Variants in CDK13 observed in about 807,000 individuals in gnomAD.
The protein encoded by CDK13 is cyclin dependent kinase 13.
In CDK13, 40 loss-of-function variants were observed where a neutral mutation model predicts 137.6. The ratio of observed to expected loss-of-function variants is 0.29; its 90% CI spans 0.23 to 0.38. The LOEUF (loss-of-function observed/expected upper bound fraction) is 0.38. Among genes scored for constraint, CDK13 ranks in the 10% least tolerant of loss-of-function variants. The pLI, the probability that CDK13 is intolerant of heterozygous loss-of-function variation, is 1.00. For missense variants in CDK13, 1,704 were observed against 1,951.8 expected (o/e 0.87, Z 2.39); for synonymous variants, 869 against 760.1 (o/e 1.14, Z -2.36).
chr7:40,086,057 G>T (rs778815610), intron 11 of CDK13, among the ~76,000 whole-genome samples: 2 of 152,136 alleles, frequency 1.3e-5, no homozygotes, highest in Admixed American at 1.3e-4. Context: ...CTCATAAAAG[G>T]TTATATTTTA....
At chr7:39,987,155 A>T (rs1236168237) in intron 1 of CDK13, 1 of 153,022 alleles carries the variant, frequency 6.5e-6, no homozygotes. Context: ...GCCCAGTAGT[A>T]AGTCTTGTCT....
At chr7:40,070,006 AG>A (rs1187956382) in intron 9 of CDK13, 1 of 138,306 alleles carries the variant, frequency 7.2e-6, no homozygotes, top group Non-Finnish European at 1.5e-5. Flanking sequence ...TGAGGTCATG[AG>A]GTCAGGAGAT....
Position 39,950,433 on chromosome 7 carries a change from C to A in CDK13, c.-209C>A. On this transcript the variant is annotated 5_prime_UTR_variant, in exon 1 of 14. Coordinates refer to ENST00000181839, the MANE Select transcript of CDK13 (RefSeq NM_003718.5). ...AGCTCCGCCGCCCGGATTCCTGCTT[C>A]CCTGGGGCCCGGAGGCTGCTGCGTA... The A allele has an allele frequency of 8.1e-7, 1 of 1,234,406 alleles. No individual in the cohort carries two copies. The highest frequency in any genetic ancestry group is 1.0e-6 in the Non-Finnish European group (1 of 989,492). The allele number at this position is 1,234,406 out of a possible 1,614,324, so 76.5% of individuals were successfully genotyped here.
intron 5 of CDK13, among the ~76,000 whole-genome samples, chr7:40,003,455 G>A (rs1784736532): frequency 3.9e-5 from 6 of 151,994 alleles, no homozygotes; most frequent in Admixed American, 2.6e-4. Flanking sequence ...GGTTGATGGG[G>A]TACTGGTGTG....
intron 5 of CDK13, among the ~76,000 whole-genome samples, chr7:40,035,644 GGGCCCCCA>G (rs200364885): frequency 0.09 from 13,668 of 151,854 alleles, 989 homozygotes; most frequent in East Asian, 0.33. Flanking sequence ...AACCAGCTCA[GGGCCCCCA>G]CTGATTGTAC....
chr7:39,961,743 A>C (rs1783738971), intron 1 of CDK13, among the ~76,000 whole-genome samples: 1 of 151,862 alleles, frequency 6.6e-6, no homozygotes, highest in Non-Finnish European at 1.5e-5. Context: ...CCATTAACTC[A>C]TCATTTAACA....
chr7:40,089,194 G>A (rs1786859151), intron 12 of CDK13, among the ~76,000 whole-genome samples: 2 of 152,006 alleles, frequency 1.3e-5, no homozygotes. Flanking sequence ...CAGCTCTTTG[G>A]GAGGCCACGA....
At chr7:40,052,129 G>C (rs997716240) in intron 7 of CDK13, among the ~76,000 whole-genome samples, 1 of 152,028 alleles carries the variant, frequency 6.6e-6, no homozygotes, top group South Asian at 2.1e-4. Context: ...CATATTAATT[G>C]AAACTAGCCT....
chr7:40,070,090 AAAAG>A (rs1434572050), intron 9 of CDK13: 5 of 150,840 alleles, frequency 3.3e-5, no homozygotes, highest in Non-Finnish European at 7.2e-5. Context: ...AAAAAAAAAA[AAAAG>A]CCGGGCATGG....
intron 1 of CDK13, among the ~76,000 whole-genome samples, chr7:39,980,993 A>C (rs73127832): frequency 0.27 from 40,644 of 152,124 alleles, 6,563 homozygotes; most frequent in Middle Eastern, 0.45. Flanking sequence ...GAGGTCCTGT[A>C]GCCTCTTAAA....
Position 39,950,770 on chromosome 7 carries a change from C to T in CDK13, c.129C>T (p.Leu43=), listed in dbSNP as rs1243183974. The part of the protein sequence containing the change: ...SPQQPPLLLP[L]LQPQLLQPPP... ...AGCAGCCGCCGCTGCTGTTGCCGCT[C>T]CTGCAGCCGCAGCTCCTGCAACCGC... is the stretch of plus-strand genomic sequence containing the variant. The change falls in exon 1 of 14, where the codon CTC becomes CTT. Residue 43 remains leucine (L), a synonymous_variant. Transcript: ENST00000181839. 4 of 1,475,978 alleles carry T rather than the reference C, an allele frequency of 2.7e-6. No individual in the cohort carries two copies. The highest frequency in any genetic ancestry group is 2.9e-5 in the African/African-American group (2 of 68,190). The allele number at this position is 1,475,978 out of a possible 1,614,324, so 91.4% of individuals were successfully genotyped here. A position where few individuals can be genotyped will look rare whatever the true frequency, so the allele number is the denominator to read the frequency against.
At chr7:39,994,924 T>A (rs1784530568) in intron 2 of CDK13, among the ~76,000 whole-genome samples, 1 of 151,916 alleles carries the variant, frequency 6.6e-6, no homozygotes, top group Middle Eastern at 3.2e-3. Context: ...AAAAAACAAC[T>A]CTTCCTTGAA....
At chr7:40,067,182 C>G (rs1429218016) in intron 9 of CDK13, 1 of 152,218 alleles carries the variant, frequency 6.6e-6, no homozygotes, top group Admixed American at 6.5e-5. Context: ...GGTCATAAAA[C>G]TAGCAAGTGG....
intron 2 of CDK13, among the ~76,000 whole-genome samples, chr7:39,995,004 A>G (rs2116299502): frequency 6.6e-6 from 1 of 151,868 alleles, no homozygotes; most frequent in East Asian, 1.9e-4. Context: ...TTAGTTTCCC[A>G]TATTAAAACA....
intron 7 of CDK13, 148 bp from the exon 8 acceptor site, chr7:40,062,678 C>T: frequency 4.4e-6 from 3 of 676,262 alleles, no homozygotes; most frequent in Non-Finnish European, 7.9e-6. Context: ...ATATTAGATA[C>T]CTTTGGATGT....
Position 39,992,775 on chromosome 7 carries a change from G to C in CDK13, c.1871+4517G>C, listed in dbSNP as rs531530161. On this transcript the variant is annotated intron_variant, in intron 2 of 13. Coordinates refer to ENST00000181839, the MANE Select transcript of CDK13 (RefSeq NM_003718.5). ...TATCTGATTATTTCTTCTTGGTATC[G>C]TTTAACTTGTTCTTCTCTAACCCCT... 1.3e-4 allele frequency among the ~76,000 whole-genome samples: 19 copies of C among 151,596 alleles called. No homozygotes were observed. The South Asian group carries it at 4.0e-3, about 32-fold the overall frequency.
At chr7:39,988,457 C>G (rs1466897110) in intron 2 of CDK13, among the ~76,000 whole-genome samples, 199 bp downstream of exon 2, 1 of 151,874 alleles carries the variant, frequency 6.6e-6, no homozygotes, top group Admixed American at 6.6e-5. Context: ...TATACTAAGA[C>G]ATTCAGGGAA....
At chr7:39,988,329 A>C (rs1784385866) in intron 2 of CDK13, 71 bp downstream of exon 2, 1 of 1,164,564 alleles carries the variant, frequency 8.6e-7, no homozygotes, top group Admixed American at 2.4e-5. Context: ...AAATGAGTTG[A>C]CCTCCCCTAA....
rs190056601 is a variant in CDK13, at chr7:40,050,848, T to A, written c.2600+2971T>A. On this transcript the variant is annotated intron_variant, in intron 7 of 13. Transcript: ENST00000181839. ...GTTGTTAATTATGTAAATCCTTTCC[T>A]ATGGAATGGAAAACAGCTAATTACC... Among the ~76,000 whole-genome samples the A allele has an allele frequency of 4.3e-3, 659 of 152,344 alleles. 5 individuals carry two copies. The highest frequency in any genetic ancestry group is 0.015 in the African/African-American group (621 of 41,576).
Sources: allele counts gnomAD v4.1 joint callset (sites outside exome capture counted in the v4.1 genomes callset), GRCh38; gene constraint gnomAD v4.1.1; transcripts MANE v1.5; gene names NCBI Gene and HGNC (gene_info 2026-07-23, HGNC 2026-07-21).